CACNA1S: variants seen among roughly 807,000 people sequenced by gnomAD.
The protein encoded by CACNA1S is calcium voltage-gated channel subunit alpha1 S.
Under a neutral mutation model 207.4 loss-of-function variants are expected in CACNA1S, and 126 were observed. The observed-to-expected ratio is 0.61, with a 90% CI of 0.53 to 0.70. The LOEUF is 0.70. Among genes scored for constraint, CACNA1S ranks in the 30% least tolerant of loss-of-function variants. The pLI, the probability that CACNA1S is intolerant of heterozygous loss-of-function variation, is 0.00. For missense variants in CACNA1S, 2,349 were observed against 2,422.8 expected, an observed-to-expected ratio of 0.97 and a Z score of 0.64; for synonymous variants, 960 against 932.7, an observed-to-expected ratio of 1.03 and a Z score of -0.53.
chr1:201,075,454 C>T lies in CACNA1S; in HGVS notation c.1948+41G>A, dbSNP rs762413312. The T allele has an allele frequency of 3.8e-6, 6 of 1,594,310 alleles. No individual in the cohort carries two copies. In the East Asian group the frequency reaches 6.7e-5, roughly 18 times the overall value. On this transcript the variant is annotated intron_variant, in intron 13 of 43. Coordinates refer to ENST00000362061, the MANE Select transcript of CACNA1S (RefSeq NM_000069.3). ...CATTTTAAGCCCTTTCCCCCACCCC[C>T]TCCCTAAGCTCTTTTCTGCACCCTG...
chr1:201,061,223 CT>C, intron 25 of CACNA1S, 43 bp downstream of exon 25: 1 of 1,571,440 alleles, frequency 6.4e-7, no homozygotes, highest in Non-Finnish European at 8.8e-7. Flanking sequence ...AGCAGGAGGC[CT>C]GCTGGAGCTC....
intron 19 of CACNA1S, among the ~76,000 whole-genome samples, chr1:201,067,764 A>G (rs1661300742): frequency 6.6e-6 from 1 of 152,132 alleles, no homozygotes; most frequent in Non-Finnish European, 1.5e-5. Context: ...TCCAACTTCA[A>G]GTTCTGGCTC....
chr1:201,039,660 A>T lies in CACNA1S; in HGVS notation c.*171T>A. The T allele has an allele frequency of 1.3e-6, 1 of 770,254 alleles. No homozygotes were observed. The highest frequency in any genetic ancestry group is 2.1e-6 in the Non-Finnish European group (1 of 470,250). 47.7% of individuals were successfully genotyped at this position (770,254 alleles called of 1,614,324 possible). ...GGTGAGGGGCAGGGCCTGTCCAGCTACTTCCTCCGCACTTTTTGAGGTGGT... is the reference window on the plus strand; with the variant it reads ...GGTGAGGGGCAGGGCCTGTCCAGCTTCTTCCTCCGCACTTTTTGAGGTGGT... On this transcript the variant is annotated 3_prime_UTR_variant, in exon 44 of 44. Transcript: ENST00000362061.
intron 22 of CACNA1S, among the ~76,000 whole-genome samples, chr1:201,063,864 G>A (rs1382961652): frequency 6.6e-6 from 1 of 152,164 alleles, no homozygotes; most frequent in Non-Finnish European, 1.5e-5. Context: ...GCAGGGTCTG[G>A]GCACTTAACA....
At chr1:201,087,732 T>A in intron 7 of CACNA1S, 94 bp downstream of exon 7, 382 of 490,704 alleles carry the variant, frequency 7.8e-4, no homozygotes, top group Middle Eastern at 1.7e-3. Context: ...CCCCCACCCC[T>A]CCTGTTTCTT....
Position 201,052,542 on chromosome 1 carries a change from GC to G in CACNA1S, c.3953+14del. 1.3e-6 allele frequency: 2 copies of G among 1,599,706 alleles called. No homozygotes were observed. Among genetic ancestry groups the G allele is most frequent in the Middle Eastern group, 1.7e-4 (1 of 5,922 alleles). On this transcript the variant is annotated intron_variant, in intron 32 of 43. Transcript: ENST00000362061. ...GGTCAGCGGGGTAGGGGTGGGGGTG[GC>G]GGGAGACGCGTGCCTGAAGAGCAGT...
chr1:201,112,409 G>GC lies in CACNA1S; in HGVS notation c.-71dup. 2 of 1,609,644 alleles carry GC rather than the reference G, an allele frequency of 1.2e-6. No individual in the cohort carries two copies. Among genetic ancestry groups the GC allele is most frequent in the African/African-American group, 1.3e-5 (1 of 75,042 alleles). ...GCTTTCCCTTCCCTGTGTCCCCAAT[G>GC]CCCCCGCCTTGGGGACTAGGCTGGC... On this transcript the variant is annotated 5_prime_UTR_variant, in exon 1 of 44. Coordinates refer to ENST00000362061, the MANE Select transcript of CACNA1S (RefSeq NM_000069.3).
At chr1:201,098,823 C>G (rs877444) in intron 2 of CACNA1S, among the ~76,000 whole-genome samples, 131,990 of 152,094 alleles carry the variant, frequency 0.87, 58,162 homozygotes, top group Middle Eastern at 0.97. Context: ...CCTTACCTCA[C>G]CCCCCAACAA....
intron 10 of CACNA1S, 71 bp downstream of exon 10, chr1:201,083,091 C>T (rs1661896198): frequency 5.9e-6 from 9 of 1,531,416 alleles, no homozygotes; most frequent in Admixed American, 1.7e-5. Context: ...CCTGTGGTGC[C>T]ATTGGCTGAT....
At position 201,043,330 on chromosome 1, in the gene CACNA1S, T is replaced by A. The variant is rs1558051881; in HGVS notation, c.4999A>T (p.Asn1667Tyr). The A allele has an allele frequency of 6.2e-7, 1 of 1,614,166 alleles. No individual in the cohort carries two copies. Among genetic ancestry groups the A allele is most frequent in the Non-Finnish European group, 8.5e-7 (1 of 1,180,018 alleles). Reference sequence around the variant, plus strand: ...TGGTTGCTGTTGCCATAGGCGACATTGGCGTTGGCATTGTTGGTATTGGCA... The same window carrying A: ...TGGTTGCTGTTGCCATAGGCGACATAGGCGTTGGCATTGTTGGTATTGGCA... ...ARANTNNANA[N>Y]VAYGNSNHSN... Residue 1667 changes from asparagine to tyrosine, a missense_variant, in exon 40 of 44, where the codon AAT (asparagine) becomes TAT (tyrosine). Asn to Tyr is a moderately radical substitution (Grantham distance 143). Coordinates refer to ENST00000362061, the MANE Select transcript of CACNA1S (RefSeq NM_000069.3).
intron 13 of CACNA1S, 42 bp from the exon 14 acceptor site, chr1:201,074,662 G>T: frequency 7.6e-7 from 1 of 1,311,816 alleles, no homozygotes; most frequent in Non-Finnish European, 1.1e-6. Flanking sequence ...GTAGGTGGAA[G>T]GGAGCCTGCA....
intron 2 of CACNA1S, among the ~76,000 whole-genome samples, chr1:201,095,307 C>A (rs776192049): frequency 1.3e-5 from 2 of 152,136 alleles, no homozygotes; most frequent in Non-Finnish European, 2.9e-5. Flanking sequence ...AACACTCACA[C>A]CCATGGAAGC....
chr1:201,075,395 C>T, intron 13 of CACNA1S, 100 bp downstream of exon 13: 1 of 1,448,706 alleles, frequency 6.9e-7, no homozygotes, highest in South Asian at 1.2e-5. Flanking sequence ...AGCCAGAGGG[C>T]CTGGCTACCT....
At position 201,060,807 on chromosome 1, in the gene CACNA1S, C is replaced by T. The variant is rs1320935969; in HGVS notation, c.3265G>A (p.Val1089Ile). Residue 1089 changes from valine to isoleucine, a missense_variant, in exon 26 of 44, where the codon GTA becomes ATA. Physicochemically the swap from Val to Ile is conservative, Grantham distance 29. Transcript: ENST00000362061. ...GGGCGGGCCTTCAGGGCATACTGTA[C>T]ACATTGGCGCTGTGACACATACAAC... is the stretch of plus-strand genomic sequence containing the variant. ...CELDKNQRQC[V>I]QYALKARPLR... The T allele has an allele frequency of 1.9e-6, 3 of 1,614,072 alleles. No homozygotes were observed. The highest frequency in any genetic ancestry group is 4.5e-5 in the East Asian group (2 of 44,892).
chr1:201,095,338 C>A (rs955770822), intron 2 of CACNA1S, among the ~76,000 whole-genome samples: 4 of 152,166 alleles, frequency 2.6e-5, no homozygotes, highest in Non-Finnish European at 5.9e-5. Flanking sequence ...ACCAGGGGCC[C>A]ACCCCATCAG....
intron 28 of CACNA1S, among the ~76,000 whole-genome samples, chr1:201,055,825 T>C (rs1246874206): frequency 6.6e-6 from 1 of 152,210 alleles, no homozygotes; most frequent in Non-Finnish European, 1.5e-5. Context: ...GACACCCTCC[T>C]GGCCTCCACC....
At chr1:201,106,512 G>A (rs1662896002) in intron 2 of CACNA1S, among the ~76,000 whole-genome samples, 1 of 152,130 alleles carries the variant, frequency 6.6e-6, no homozygotes, top group African/African-American at 2.4e-5. Flanking sequence ...GGGGGGCCCA[G>A]TACAAGTGAA....
chr1:201,040,538 T>C, intron 42 of CACNA1S, 84 bp downstream of exon 42: 4 of 1,447,554 alleles, frequency 2.8e-6, no homozygotes, highest in South Asian at 1.2e-5. Flanking sequence ...TGCCACAGCC[T>C]TCCCCTGCCA....
chr1:201,085,999 G>C lies in CACNA1S; in HGVS notation c.1005-418C>G, dbSNP rs149072395. On this transcript the variant is annotated intron_variant, in intron 7 of 43. Coordinates refer to ENST00000362061, the MANE Select transcript of CACNA1S (RefSeq NM_000069.3). ...AAATTTAGTTTTGTACAGACCAAAG[G>C]CCTGGGGAAAATTCTCCTTGGACTC... Among the ~76,000 whole-genome samples, 32 of 152,286 alleles carry C rather than the reference G, an allele frequency of 2.1e-4. No individual in the cohort carries two copies. The East Asian group carries it at 5.4e-3, about 26-fold the overall frequency.
Sources: allele counts gnomAD v4.1 joint callset (sites outside exome capture counted in the v4.1 genomes callset), GRCh38; gene constraint gnomAD v4.1.1; transcripts MANE v1.5; gene names NCBI Gene and HGNC (gene_info 2026-07-23, HGNC 2026-07-21).